LRBA: variants seen among roughly 807,000 people sequenced by gnomAD.
LRBA encodes lipopolysaccharide-responsive and beige-like anchor protein.
In LRBA, 176 loss-of-function variants were observed where a neutral mutation model predicts 330.0. The observed-to-expected ratio is 0.53, with a 90% confidence interval of 0.47 to 0.60. The LOEUF (loss-of-function observed/expected upper bound fraction) is 0.60, where lower values mean the gene tolerates loss of function less well. Ranked by LOEUF, LRBA falls within the 20% of genes least tolerant of loss-of-function variation. LRBA has a pLI of 0.00. For missense variants in LRBA, 3,259 were observed against 3,444.8 expected (o/e 0.95, Z 1.35); for synonymous variants, 1,230 against 1,193.0 (o/e 1.03, Z -0.64).
chr4:150,953,908 G>C (rs1737165424), intron 2 of LRBA, among the ~76,000 whole-genome samples: 1 of 150,900 alleles, frequency 6.6e-6, no homozygotes, highest in Non-Finnish European at 1.5e-5. Flanking sequence ...ATCCCGTCTA[G>C]GAAGTGAGGA....
chr4:151,001,635 C>T (rs1295460988), intron 2 of LRBA, among the ~76,000 whole-genome samples: 1 of 152,096 alleles, frequency 6.6e-6, no homozygotes. Context: ...TCACACCCAC[C>T]GCCAATATAC....
intron 37 of LRBA, among the ~76,000 whole-genome samples, chr4:150,639,373 GAA>G (rs1428774639): frequency 1.3e-5 from 1 of 79,292 alleles, no homozygotes; most frequent in African/African-American, 3.6e-5. Flanking sequence ...AAAAAAAAAA[GAA>G]AAAAAAAAAC....
intron 9 of LRBA, among the ~76,000 whole-genome samples, chr4:150,911,743 T>G (rs1732012764): frequency 6.6e-6 from 1 of 152,188 alleles, no homozygotes; most frequent in Non-Finnish European, 1.5e-5. Context: ...CTCTTAAAAT[T>G]TTTGTAAATT....
At chr4:151,003,934 TGA>T (rs1743716695) in intron 2 of LRBA, among the ~76,000 whole-genome samples, 2 of 138,546 alleles carry the variant, frequency 1.4e-5, no homozygotes, top group Non-Finnish European at 3.1e-5. Context: ...TGTGTGTGTG[TGA>T]CAGTCTCATG....
chr4:150,292,256 G>A (rs1728409495), intron 53 of LRBA, among the ~76,000 whole-genome samples: 1 of 152,100 alleles, frequency 6.6e-6, no homozygotes, highest in African/African-American at 2.4e-5. Flanking sequence ...ATCCATTTAG[G>A]AAAACAGGTG....
chr4:150,897,315 G>A (rs1199101908), intron 15 of LRBA, among the ~76,000 whole-genome samples: 2 of 151,904 alleles, frequency 1.3e-5, no homozygotes, highest in Non-Finnish European at 2.9e-5. Context: ...AGAATGAAAA[G>A]GGACAAAATG....
chr4:150,481,967 C>T (rs1486531964), intron 42 of LRBA, among the ~76,000 whole-genome samples: 2 of 152,052 alleles, frequency 1.3e-5, no homozygotes, highest in African/African-American at 4.8e-5. Flanking sequence ...GTATGATATA[C>T]ATTAAGTTCC....
At chr4:151,011,048 G>A (rs1354980252) in intron 2 of LRBA, among the ~76,000 whole-genome samples, 15 of 151,680 alleles carry the variant, frequency 9.9e-5, no homozygotes, top group East Asian at 7.8e-4. Flanking sequence ...TTAGCTGGGC[G>A]TGGTGGCGGG....
At chr4:151,008,919 A>C (rs1579486205) in intron 2 of LRBA, among the ~76,000 whole-genome samples, 2 of 136,128 alleles carry the variant, frequency 1.5e-5, no homozygotes, top group South Asian at 5.1e-4. Flanking sequence ...GCAGTGAGCC[A>C]AGATCACGCC....
intron 40 of LRBA, among the ~76,000 whole-genome samples, chr4:150,562,406 T>C (rs1165333585): frequency 6.6e-6 from 1 of 152,182 alleles, no homozygotes; most frequent in African/African-American, 2.4e-5. Flanking sequence ...ATAGCGTAGT[T>C]ACAAGTATAC....
At chr4:150,658,040 T>G (rs923161008) in intron 37 of LRBA, among the ~76,000 whole-genome samples, 2 of 152,032 alleles carry the variant, frequency 1.3e-5, no homozygotes, top group Non-Finnish European at 2.9e-5. Flanking sequence ...CTGCCTGAGA[T>G]TGTAACAATC....
At chr4:150,494,819 C>A (rs574849642) in intron 40 of LRBA, among the ~76,000 whole-genome samples, 2 of 152,192 alleles carry the variant, frequency 1.3e-5, no homozygotes, top group East Asian at 3.9e-4. Context: ...CAAGGTAAAA[C>A]CCCGTCTCAA....
At chr4:150,631,913 T>G (rs780061771) in intron 37 of LRBA, among the ~76,000 whole-genome samples, 2 of 151,556 alleles carry the variant, frequency 1.3e-5, no homozygotes, top group Non-Finnish European at 2.9e-5. Flanking sequence ...AAGATCAGAG[T>G]GTTGATTTGA....
chr4:150,996,699 C>T (rs1191339152), intron 2 of LRBA, among the ~76,000 whole-genome samples: 3 of 152,108 alleles, frequency 2.0e-5, no homozygotes, highest in African/African-American at 7.2e-5. Flanking sequence ...TAATACAATT[C>T]CTGACAAATT....
chr4:150,546,812 G>C (rs527552702), intron 40 of LRBA, among the ~76,000 whole-genome samples: 8 of 152,250 alleles, frequency 5.3e-5, no homozygotes, highest in African/African-American at 1.7e-4. Context: ...GTAGAACAAA[G>C]CAATGTCCCT....
chr4:150,830,365 C>T (rs949158655), intron 29 of LRBA, among the ~76,000 whole-genome samples: 4 of 152,204 alleles, frequency 2.6e-5, no homozygotes, highest in South Asian at 4.2e-4. Flanking sequence ...TGTAGAGAGA[C>T]GATATGGAGA....
At chr4:150,335,549 C>T (rs1734609184) in intron 48 of LRBA, among the ~76,000 whole-genome samples, 1 of 148,982 alleles carries the variant, frequency 6.7e-6, no homozygotes, top group African/African-American at 2.5e-5. Context: ...TATATATACA[C>T]ACACACATAT....
intron 33 of LRBA, among the ~76,000 whole-genome samples, chr4:150,805,212 AAGG>A (rs1742406811): frequency 3.9e-5 from 1 of 25,790 alleles, no homozygotes; most frequent in Non-Finnish European, 1.3e-4. Context: ...GGAAGGAAGG[AAGG>A]AAGGAAAGGA....
At chr4:150,335,622 T>C (rs1561030614) in intron 48 of LRBA, among the ~76,000 whole-genome samples, 1 of 151,764 alleles carries the variant, frequency 6.6e-6, no homozygotes, top group Non-Finnish European at 1.5e-5. Context: ...AAGTGTGTGA[T>C]ATTATTACAG....
Sources: gnomAD v4.1 joint callset for allele counts (sites outside exome capture counted in the v4.1 genomes callset) on GRCh38, gnomAD v4.1.1 for gene constraint, MANE v1.5 for transcripts, NCBI Gene and HGNC (gene_info 2026-07-23, HGNC 2026-07-21) for gene names.